NRXN1: variants seen among roughly 807,000 people sequenced by gnomAD.
NRXN1 encodes the protein neurexin 1.
In NRXN1, 39 loss-of-function variants were observed where a neutral mutation model predicts 150.9. That is an observed-to-expected ratio of 0.26 (90% CI 0.20 to 0.34). The LOEUF (loss-of-function observed/expected upper bound fraction) is 0.34. Among genes scored for constraint, NRXN1 ranks in the 10% least tolerant of loss-of-function variants. NRXN1 has a pLI of 1.00. For synonymous variants in NRXN1, 924 were observed against 757.0 expected (o/e 1.22, Z -3.62); for missense variants, 1,815 against 1,949.9 (o/e 0.93, Z 1.30).
At chr2:49,997,017 C>G (rs899373440) in intron 21 of NRXN1, among the ~76,000 whole-genome samples, 1 of 152,176 alleles carries the variant, frequency 6.6e-6, no homozygotes, top group Admixed American at 6.5e-5. Context: ...ATTTGCCTGT[C>G]TGCTTCGTTT....
At chr2:50,797,903 G>C (rs3850336) in intron 5 of NRXN1, among the ~76,000 whole-genome samples, 1 of 152,054 alleles carries the variant, frequency 6.6e-6, no homozygotes, top group Non-Finnish European at 1.5e-5. Context: ...CCCAGTGTAA[G>C]CTAAAAGAAC....
chr2:50,021,188 C>T (rs529080716), intron 21 of NRXN1, among the ~76,000 whole-genome samples: 127 of 152,260 alleles, frequency 8.3e-4, no homozygotes, highest in African/African-American at 2.7e-3. Flanking sequence ...GGTCATAATA[C>T]TGCACAAATA....
Position 49,948,804 on chromosome 2 carries a change from C to G in NRXN1, c.4129-5013G>C, listed in dbSNP as rs560281488. 2.6e-5 allele frequency among the ~76,000 whole-genome samples: 4 copies of G among 151,950 alleles called. No individual in the cohort carries two copies. The South Asian group carries it at 6.2e-4, about 24-fold the overall frequency. On this transcript the variant is annotated intron_variant, in intron 21 of 22. Coordinates refer to ENST00000401669, the MANE Select transcript of NRXN1 (RefSeq NM_001330078.2). The stretch of plus-strand genomic sequence containing the variant: ...GTATACTTTTCCCTGATGTTTATAA[C>G]CTTTTTGAGAAAAGAGACAACCTGC...
intron 17 of NRXN1, among the ~76,000 whole-genome samples, chr2:50,304,567 T>G (rs181684307): frequency 6.6e-6 from 1 of 152,286 alleles, no homozygotes; most frequent in East Asian, 1.9e-4. Context: ...AGCTGGGTAA[T>G]ATATAAACAC....
chr2:50,296,457 G>T (rs1169227372), intron 17 of NRXN1, among the ~76,000 whole-genome samples: 1 of 151,920 alleles, frequency 6.6e-6, no homozygotes, highest in Non-Finnish European at 1.5e-5. Context: ...CCCATCACCT[G>T]AATAGTTCCC....
intron 8 of NRXN1, among the ~76,000 whole-genome samples, chr2:50,560,411 T>TA (rs1177419644): frequency 6.7e-6 from 1 of 150,254 alleles, no homozygotes; most frequent in Non-Finnish European, 1.5e-5. Context: ...CTGTACAAAG[T>TA]AGTCTGATGT....
chr2:50,708,996 G>C (rs1053733457), intron 5 of NRXN1, among the ~76,000 whole-genome samples: 8 of 152,108 alleles, frequency 5.3e-5, no homozygotes, highest in African/African-American at 1.9e-4. Flanking sequence ...ACATTTGATT[G>C]CCTGCTGATT....
rs17040350 is a variant in NRXN1 at position 50,260,838 on chromosome 2, C to T, written c.3365-23868G>A. Reference sequence around the variant, plus strand: ...CAAGACAAAACTGTGACTTGAAAAACGAGACACTCAAAATCCTCAGGAGAT... The same window carrying T: ...CAAGACAAAACTGTGACTTGAAAAATGAGACACTCAAAATCCTCAGGAGAT... On this transcript the variant is annotated intron_variant, in intron 17 of 22. Coordinates refer to ENST00000401669, the MANE Select transcript of NRXN1 (RefSeq NM_001330078.2). Among the ~76,000 whole-genome samples, 1,034 of 151,658 alleles carry T rather than the reference C, an allele frequency of 6.8e-3. 22 individuals carry two copies. The highest frequency in any genetic ancestry group is 0.024 in the African/African-American group (979 of 41,454).
intron 22 of NRXN1, among the ~76,000 whole-genome samples, chr2:49,932,270 A>T (rs868495487): frequency 1.0e-3 from 154 of 152,176 alleles, no homozygotes; most frequent in Non-Finnish European, 1.6e-3. Flanking sequence ...AATGTAAAAA[A>T]ATTAGCCTGG....
chr2:49,968,944 G>C (rs1677443065), intron 21 of NRXN1, among the ~76,000 whole-genome samples: 1 of 152,054 alleles, frequency 6.6e-6, no homozygotes, highest in Non-Finnish European at 1.5e-5. Context: ...TTCTGGCATA[G>C]ATACAATCAT....
chr2:50,600,108 G>GA lies in NRXN1; in HGVS notation c.1320+19913dup, dbSNP rs1200476112. On this transcript the variant is annotated intron_variant, in intron 8 of 22. Coordinates refer to ENST00000401669, the MANE Select transcript of NRXN1 (RefSeq NM_001330078.2). ...GCAAGGAGAAATGCAGAATGTCACT[G>GA]AAAATCTAAAAATAAAAGCCTGAGG... Among the ~76,000 whole-genome samples the GA allele has an allele frequency of 3.3e-5, 5 of 152,018 alleles. No homozygotes were observed. In the South Asian group the frequency reaches 8.3e-4, roughly 25 times the overall value.
chr2:50,197,494 T>A (rs553390848), intron 18 of NRXN1, among the ~76,000 whole-genome samples: 1 of 152,292 alleles, frequency 6.6e-6, no homozygotes, highest in East Asian at 1.9e-4. Flanking sequence ...ACGTTTTTGA[T>A]GTCTACGTTA....
At chr2:50,962,166 A>T (rs1297139663) in intron 2 of NRXN1, among the ~76,000 whole-genome samples, 1 of 151,764 alleles carries the variant, frequency 6.6e-6, no homozygotes, top group Non-Finnish European at 1.5e-5. Context: ...ACTTGCATAA[A>T]TAACAAACGG....
intron 5 of NRXN1, among the ~76,000 whole-genome samples, chr2:50,644,839 A>G: frequency 6.7e-6 from 1 of 148,580 alleles, no homozygotes; most frequent in South Asian, 2.1e-4. Context: ...CAGGTAGGAT[A>G]TTTATATTTA....
chr2:50,058,964 T>C (rs75390253), intron 19 of NRXN1, among the ~76,000 whole-genome samples: 3,370 of 152,172 alleles, frequency 0.022, 126 homozygotes, highest in African/African-American at 0.077. Context: ...TTCACAGCAG[T>C]ATGAAAATAG....
intron 5 of NRXN1, among the ~76,000 whole-genome samples, chr2:50,803,541 A>G (rs1172048633): frequency 6.6e-6 from 1 of 152,192 alleles, no homozygotes; most frequent in Non-Finnish European, 1.5e-5. Flanking sequence ...GCAATAACAC[A>G]TTGTTCAATT....
At chr2:50,622,440 A>T (rs1024335133) in intron 6 of NRXN1, among the ~76,000 whole-genome samples, 1 of 152,192 alleles carries the variant, frequency 6.6e-6, no homozygotes, top group African/African-American at 2.4e-5. Context: ...TAAGATCAGC[A>T]TGTACGGCAA....
chr2:50,348,851 T>G (rs72824922), intron 17 of NRXN1, among the ~76,000 whole-genome samples: 3,801 of 151,162 alleles, frequency 0.025, 86 homozygotes, highest in Non-Finnish European at 0.038. Flanking sequence ...TTTTTTTTTG[T>G]CTTTATTTCT....
chr2:50,311,674 G>A (rs546142567), intron 17 of NRXN1, among the ~76,000 whole-genome samples: 7 of 152,100 alleles, frequency 4.6e-5, no homozygotes, highest in South Asian at 2.1e-4. Flanking sequence ...TGATCTTCAC[G>A]TCTCAAATTA....
Sources: allele counts gnomAD v4.1 joint callset (sites outside exome capture counted in the v4.1 genomes callset), GRCh38; gene constraint gnomAD v4.1.1; transcripts MANE v1.5; gene names NCBI Gene and HGNC (gene_info 2026-07-23, HGNC 2026-07-21).